The following ALCAM variants were observed in gnomAD, a reference collection of about 807,000 sequenced individuals.
The protein encoded by ALCAM is CD166 antigen.
Under a neutral mutation model 70.9 loss-of-function variants are expected in ALCAM, and 30 were observed. The observed-to-expected ratio is 0.42, with a 90% CI of 0.32 to 0.57. ALCAM has a LOEUF of 0.57. ALCAM is among the 20% of genes least tolerant of loss of function. The probability of loss-of-function intolerance (pLI) is 0.11; values close to 1 mark genes in which losing one functional copy is unlikely to be tolerated. For missense variants in ALCAM, 591 were observed against 695.1 expected (o/e 0.85, Z 1.68); for synonymous variants, 249 against 242.5 (o/e 1.03, Z -0.25).
intron 1 of ALCAM, among the ~76,000 whole-genome samples, chr3:105,406,070 G>T (rs1936221511): frequency 1.3e-5 from 2 of 152,188 alleles, no homozygotes; most frequent in South Asian, 4.1e-4. Flanking sequence ...CTATGTGTAA[G>T]TGTGCATTCG....
chr3:105,383,738 G>A (rs889264982), intron 1 of ALCAM, among the ~76,000 whole-genome samples: 1 of 151,566 alleles, frequency 6.6e-6, no homozygotes. Flanking sequence ...AACATAGTCT[G>A]TTCATTAAAT....
chr3:105,455,398 C>T (rs1476559100), intron 1 of ALCAM, among the ~76,000 whole-genome samples: 8 of 147,536 alleles, frequency 5.4e-5, no homozygotes, highest in Admixed American at 1.4e-4. Context: ...GCCGAGAATG[C>T]GCCACTGCAC....
intron 1 of ALCAM, among the ~76,000 whole-genome samples, chr3:105,513,153 C>G (rs77228368): frequency 0.015 from 2,254 of 146,872 alleles, 25 homozygotes; most frequent in Middle Eastern, 0.039. Context: ...AAGTTTATCA[C>G]CACTTAAGGG....
At chr3:105,404,163 T>C (rs1936159902) in intron 1 of ALCAM, among the ~76,000 whole-genome samples, 1 of 151,900 alleles carries the variant, frequency 6.6e-6, no homozygotes, top group Non-Finnish European at 1.5e-5. Flanking sequence ...TGAAAACATA[T>C]TTGAGGGAAT....
intron 1 of ALCAM, among the ~76,000 whole-genome samples, chr3:105,377,552 A>G (rs1935408462): frequency 6.6e-6 from 1 of 152,078 alleles, no homozygotes. Flanking sequence ...TCATTTATTT[A>G]AAGCTTATTG....
At chr3:105,490,749 AG>A (rs1320139378) in intron 1 of ALCAM, among the ~76,000 whole-genome samples, 3 of 152,324 alleles carry the variant, frequency 2.0e-5, no homozygotes, top group Middle Eastern at 6.8e-3. Flanking sequence ...TCCAAAAGGT[AG>A]GTTCCCATAA....
At chr3:105,536,973 C>T (rs1234966134) in intron 6 of ALCAM, among the ~76,000 whole-genome samples, 1 of 152,068 alleles carries the variant, frequency 6.6e-6, no homozygotes, top group Non-Finnish European at 1.5e-5. Context: ...AACAAATTCC[C>T]TGATGGTGCT....
At chr3:105,434,421 C>T (rs1937006192) in intron 1 of ALCAM, among the ~76,000 whole-genome samples, 1 of 152,080 alleles carries the variant, frequency 6.6e-6, no homozygotes, top group Non-Finnish European at 1.5e-5. Flanking sequence ...TATGCTTGCA[C>T]TTAAAACTTA....
At chr3:105,483,154 G>C (rs1297621814) in intron 1 of ALCAM, among the ~76,000 whole-genome samples, 1 of 152,102 alleles carries the variant, frequency 6.6e-6, no homozygotes, top group African/African-American at 2.4e-5. Flanking sequence ...CTGGAAGATA[G>C]CAGGCATCAT....
chr3:105,557,697 A>G (rs1182756782), intron 14 of ALCAM, among the ~76,000 whole-genome samples: 1 of 152,152 alleles, frequency 6.6e-6, no homozygotes, highest in African/African-American at 2.4e-5. Flanking sequence ...TTTCATGCAC[A>G]TTCAGTACAG....
intron 1 of ALCAM, among the ~76,000 whole-genome samples, chr3:105,408,302 T>C (rs1440555947): frequency 1.3e-5 from 2 of 152,108 alleles, no homozygotes; most frequent in Admixed American, 1.3e-4. Context: ...CTTCAAACTG[T>C]ACTATAAGGC....
chr3:105,495,744 A>G (rs1199511683), intron 1 of ALCAM, among the ~76,000 whole-genome samples: 1 of 152,204 alleles, frequency 6.6e-6, no homozygotes, highest in Non-Finnish European at 1.5e-5. Context: ...TATGGCTGCA[A>G]ATTAATGATT....
At chr3:105,425,013 C>G (rs1024591371) in intron 1 of ALCAM, among the ~76,000 whole-genome samples, 1 of 151,614 alleles carries the variant, frequency 6.6e-6, no homozygotes, top group Non-Finnish European at 1.5e-5. Flanking sequence ...AAGGTCCTTA[C>G]TCTCAATTTC....
intron 1 of ALCAM, among the ~76,000 whole-genome samples, chr3:105,440,459 T>C (rs1291228742): frequency 6.6e-6 from 1 of 152,140 alleles, no homozygotes; most frequent in African/African-American, 2.4e-5. Flanking sequence ...GAAGGGAGGA[T>C]GGACTTGGAG....
chr3:105,439,473 C>T (rs1559791948), intron 1 of ALCAM: 1 of 151,858 alleles, frequency 6.6e-6, no homozygotes, highest in Non-Finnish European at 1.5e-5. Context: ...ATATGGAATA[C>T]TCCTGCTATA....
intron 1 of ALCAM, among the ~76,000 whole-genome samples, chr3:105,444,876 T>C (rs528610671): frequency 6.6e-6 from 1 of 152,186 alleles, no homozygotes; most frequent in Non-Finnish European, 1.5e-5. Context: ...ATCTGAACAG[T>C]GACTTTTCTT....
At chr3:105,545,132 A>C (rs1940213087) in intron 8 of ALCAM, 91 bp from the exon 9 acceptor site, 2 of 870,450 alleles carry the variant, frequency 2.3e-6, no homozygotes, top group Non-Finnish European at 3.9e-6. Flanking sequence ...AGTTAGAAGA[A>C]ATTTATTTTC....
intron 9 of ALCAM, among the ~76,000 whole-genome samples, chr3:105,546,598 A>T (rs1019529057): frequency 6.6e-6 from 1 of 151,522 alleles, no homozygotes. Flanking sequence ...GTTTTACTAT[A>T]GGACTAGAGA....
intron 1 of ALCAM, among the ~76,000 whole-genome samples, chr3:105,411,980 GA>G (rs1002417826): frequency 2.6e-5 from 4 of 151,998 alleles, no homozygotes; most frequent in Middle Eastern, 3.4e-3. Flanking sequence ...GAGCAAAGGC[GA>G]AAAAAATCTC....
Sources: gnomAD v4.1 joint callset for allele counts (sites outside exome capture counted in the v4.1 genomes callset) on GRCh38, gnomAD v4.1.1 for gene constraint, MANE v1.5 for transcripts, NCBI Gene and HGNC (gene_info 2026-07-23, HGNC 2026-07-21) for gene names.